Variants in CNTN4 observed in about 807,000 individuals in gnomAD.
CNTN4 encodes the protein contactin 4.
Under a neutral mutation model 122.5 loss-of-function variants are expected in CNTN4, and 77 were observed. The ratio of observed to expected loss-of-function variants is 0.63; its 90% confidence interval spans 0.52 to 0.76. The LOEUF (loss-of-function observed/expected upper bound fraction) is 0.76, where lower values mean the gene tolerates loss of function less well. Ranked by LOEUF, CNTN4 falls within the 30% of genes least tolerant of loss-of-function variation. The pLI is 0.00. For synonymous variants in CNTN4, 512 were observed against 447.0 expected, an observed-to-expected ratio of 1.15 and a Z score of -1.83; for missense variants, 1,256 against 1,259.1, an observed-to-expected ratio of 1.00 and a Z score of 0.04.
intron 2 of CNTN4, among the ~76,000 whole-genome samples, chr3:2,115,902 C>T (rs559224492): frequency 7.2e-5 from 11 of 152,318 alleles, no homozygotes; most frequent in African/African-American, 2.6e-4. Context: ...ATTGTTATCA[C>T]AGTTAGGGTG....
intron 2 of CNTN4, among the ~76,000 whole-genome samples, chr3:2,219,505 ATTATGTTGAGGCCCCCTCAG>A (rs780107868): frequency 2.2e-4 from 34 of 152,078 alleles, no homozygotes; most frequent in Non-Finnish European, 4.3e-4. Flanking sequence ...TTTCCTGTTT[ATTATGTTGAGGCCCCCTCAG>A]TTATCCACTG....
chr3:2,307,915 G>T (rs1203753845), intron 2 of CNTN4, among the ~76,000 whole-genome samples: 1 of 152,032 alleles, frequency 6.6e-6, no homozygotes, highest in Non-Finnish European at 1.5e-5. Context: ...TCTGGTTTGG[G>T]TATCATGGTA....
rs188048151 is a variant in CNTN4 at position 2,260,369 on chromosome 3, G to C, written c.-144-78809G>C. On this transcript the variant is annotated intron_variant, in intron 2 of 24. Coordinates refer to ENST00000418658, the MANE Select transcript of CNTN4 (RefSeq NM_175607.3). ...ATTTTTTTTTTGGCTTCCAGGGGAT[G>C]TAAAATTGCCCATGGTTGAGAACCT... Among the ~76,000 whole-genome samples the C allele has an allele frequency of 2.4e-3, 362 of 152,038 alleles. 1 individual carries two copies. The highest frequency in any genetic ancestry group is 8.5e-3 in the African/African-American group (352 of 41,478).
At chr3:2,537,237 A>G (rs1406397423) in intron 3 of CNTN4, among the ~76,000 whole-genome samples, 1 of 152,108 alleles carries the variant, frequency 6.6e-6, no homozygotes, top group East Asian at 1.9e-4. Flanking sequence ...ACTGTCCCGA[A>G]GATATATAAT....
At chr3:2,221,865 A>T (rs1239703494) in intron 2 of CNTN4, among the ~76,000 whole-genome samples, 2 of 152,146 alleles carry the variant, frequency 1.3e-5, no homozygotes, top group Non-Finnish European at 1.5e-5. Context: ...AATTACTAGG[A>T]TGGTTAAAAT....
At chr3:2,895,659 C>A (rs1279511295) in intron 10 of CNTN4, among the ~76,000 whole-genome samples, 2 of 152,108 alleles carry the variant, frequency 1.3e-5, no homozygotes, top group African/African-American at 4.8e-5. Flanking sequence ...GAATGAAGTA[C>A]AAATTAACAG....
intron 2 of CNTN4, among the ~76,000 whole-genome samples, chr3:2,251,036 A>C (rs571152923): frequency 1.3e-5 from 2 of 151,894 alleles, no homozygotes; most frequent in Non-Finnish European, 2.9e-5. Context: ...TGTCATATCT[A>C]AATATTTTAA....
At chr3:2,457,385 C>CA in intron 3 of CNTN4, among the ~76,000 whole-genome samples, 1 of 152,008 alleles carries the variant, frequency 6.6e-6, no homozygotes, top group Middle Eastern at 3.4e-3. Context: ...TAACAAACAA[C>CA]AAAAAACAAG....
intron 6 of CNTN4, among the ~76,000 whole-genome samples, chr3:2,777,723 G>A (rs977894932): frequency 5.9e-5 from 9 of 152,176 alleles, no homozygotes; most frequent in Non-Finnish European, 7.3e-5. Flanking sequence ...TCTAATGTAT[G>A]TCCTTTTACC....
chr3:2,182,921 A>T (rs2037083097), intron 2 of CNTN4, among the ~76,000 whole-genome samples: 1 of 151,924 alleles, frequency 6.6e-6, no homozygotes, highest in South Asian at 2.1e-4. Flanking sequence ...GATTATATTG[A>T]ACATGCTTTT....
chr3:2,221,596 G>T (rs1437596076), intron 2 of CNTN4, among the ~76,000 whole-genome samples: 1 of 151,294 alleles, frequency 6.6e-6, no homozygotes, highest in East Asian at 1.9e-4. Flanking sequence ...TGCCATTAAA[G>T]AAATAAAAGA....
At chr3:2,555,294 G>A (rs1324852267) in intron 3 of CNTN4, among the ~76,000 whole-genome samples, 1 of 152,144 alleles carries the variant, frequency 6.6e-6, no homozygotes, top group East Asian at 1.9e-4. Context: ...TAACACATTA[G>A]CTCCTGCTGA....
chr3:2,596,262 A>C (rs2080765943), intron 4 of CNTN4, among the ~76,000 whole-genome samples: 1 of 152,192 alleles, frequency 6.6e-6, no homozygotes, highest in Non-Finnish European at 1.5e-5. Context: ...TTGAATCATA[A>C]CCTAATTCCT....
At chr3:2,481,574 G>T (rs181913727) in intron 3 of CNTN4, among the ~76,000 whole-genome samples, 2 of 152,110 alleles carry the variant, frequency 1.3e-5, no homozygotes, top group Admixed American at 1.3e-4. Flanking sequence ...ATCAAAGACC[G>T]ACATGTAAAA....
intron 7 of CNTN4, among the ~76,000 whole-genome samples, chr3:2,830,876 A>G (rs2093089137): frequency 6.6e-6 from 1 of 152,220 alleles, no homozygotes; most frequent in Non-Finnish European, 1.5e-5. Context: ...TAAGCAGGAT[A>G]ATGATGCAGT....
At chr3:2,952,434 G>C (rs930573812) in intron 13 of CNTN4, among the ~76,000 whole-genome samples, 4 of 152,164 alleles carry the variant, frequency 2.6e-5, no homozygotes, top group Middle Eastern at 3.2e-3. Flanking sequence ...GCAATGTTCT[G>C]CTCAGATTTC....
intron 2 of CNTN4, among the ~76,000 whole-genome samples, chr3:2,280,942 G>A (rs775311935): frequency 3.9e-5 from 6 of 152,162 alleles, no homozygotes; most frequent in Non-Finnish European, 5.9e-5. Flanking sequence ...GCAGCCGTTC[G>A]GAGGAGGCCT....
chr3:2,535,005 G>T (rs1172653119), intron 3 of CNTN4, among the ~76,000 whole-genome samples: 1 of 150,642 alleles, frequency 6.6e-6, no homozygotes, highest in Non-Finnish European at 1.5e-5. Context: ...CCTTGCTTCA[G>T]CTCTAAAGGA....
intron 2 of CNTN4, among the ~76,000 whole-genome samples, chr3:2,212,276 C>T (rs1409449485): frequency 5.5e-4 from 83 of 151,982 alleles, no homozygotes; most frequent in Non-Finnish European, 2.9e-5. Context: ...CATCAGACCT[C>T]CTCATCATGT....
Sources: gnomAD v4.1 joint callset for allele counts (sites outside exome capture counted in the v4.1 genomes callset) on GRCh38, gnomAD v4.1.1 for gene constraint, MANE v1.5 for transcripts, NCBI Gene and HGNC (gene_info 2026-07-23, HGNC 2026-07-21) for gene names.